Variants in SNX29 observed in about 807,000 individuals in gnomAD.
SNX29 encodes the protein sorting nexin-29.
A neutral mutation model predicts 102.1 loss-of-function variants in SNX29; 78 were observed. The ratio of observed to expected loss-of-function variants is 0.76; its 90% confidence interval spans 0.64 to 0.92. SNX29 has a LOEUF of 0.92. Ranked by LOEUF, SNX29 falls within the 40% of genes least tolerant of loss-of-function variation. The pLI, the probability that SNX29 is intolerant of heterozygous loss-of-function variation, is 0.00. For missense variants in SNX29, 1,280 were observed against 1,061.7 expected, an observed-to-expected ratio of 1.21 and a Z score of -2.86; for synonymous variants, 580 against 414.5, an observed-to-expected ratio of 1.40 and a Z score of -4.85.
At chr16:12,171,526 G>C (rs966392026) in intron 13 of SNX29, among the ~76,000 whole-genome samples, 1 of 152,226 alleles carries the variant, frequency 6.6e-6, no homozygotes, top group Non-Finnish European at 1.5e-5. Flanking sequence ...CCCAGCTCTG[G>C]CTGTAGCTGT....
chr16:12,170,782 T>TGA (rs756107288), intron 13 of SNX29, among the ~76,000 whole-genome samples: 1 of 149,382 alleles, frequency 6.7e-6, no homozygotes, highest in Non-Finnish European at 1.5e-5. Flanking sequence ...AGTGTGTGTG[T>TGA]GAGAGTGAGA....
At chr16:12,500,797 CAAGTTTGAG>C (rs1248073252) in intron 19 of SNX29, among the ~76,000 whole-genome samples, 1 of 152,214 alleles carries the variant, frequency 6.6e-6, no homozygotes. Flanking sequence ...CATACACAAG[CAAGTTTGAG>C]AAGCACTGTT....
chr16:12,485,601 C>T (rs531515969), intron 19 of SNX29, among the ~76,000 whole-genome samples: 2 of 152,130 alleles, frequency 1.3e-5, no homozygotes, highest in Non-Finnish European at 2.9e-5. Flanking sequence ...GCCCTCGAGA[C>T]GGCAGGGTCA....
chr16:12,567,926 T>G (rs1355820029), intron 20 of SNX29, among the ~76,000 whole-genome samples: 1 of 152,192 alleles, frequency 6.6e-6, no homozygotes, highest in African/African-American at 2.4e-5. Context: ...ACACGCTGTG[T>G]GTTCGCGTTG....
At chr16:12,530,926 C>A (rs767900317) in intron 20 of SNX29, among the ~76,000 whole-genome samples, 3 of 152,182 alleles carry the variant, frequency 2.0e-5, no homozygotes, top group Non-Finnish European at 4.4e-5. Context: ...ATGGCTGTTT[C>A]ATAATTTATT....
At chr16:12,561,569 G>C (rs1009152371) in intron 20 of SNX29, among the ~76,000 whole-genome samples, 4 of 152,178 alleles carry the variant, frequency 2.6e-5, no homozygotes, top group South Asian at 4.2e-4. Flanking sequence ...AGTTGAGGCT[G>C]TCCGATTAAT....
intron 20 of SNX29, among the ~76,000 whole-genome samples, chr16:12,560,590 C>G (rs1007908570): frequency 1.3e-5 from 2 of 152,142 alleles, no homozygotes; most frequent in African/African-American, 2.4e-5. Context: ...CCATCTGTAC[C>G]TCTCATAAAG....
intron 18 of SNX29, among the ~76,000 whole-genome samples, chr16:12,449,714 A>G (rs1005025330): frequency 6.6e-6 from 1 of 152,168 alleles, no homozygotes; most frequent in Non-Finnish European, 1.5e-5. Flanking sequence ...GGCCTGTCTC[A>G]CTTCAGAGCC....
intron 13 of SNX29, among the ~76,000 whole-genome samples, chr16:12,180,892 G>A (rs1239752335): frequency 6.6e-6 from 1 of 152,198 alleles, no homozygotes; most frequent in Non-Finnish European, 1.5e-5. Context: ...TAGGCATACT[G>A]CAGCTTGTTT....
chr16:12,523,976 T>TC lies in SNX29; in HGVS notation c.2179-723dup, dbSNP rs2090199305. On this transcript the variant is annotated intron_variant, in intron 19 of 20. Transcript: ENST00000566228. Reference sequence around the variant, plus strand: ...ATCTTGGCTCACCACAGCCTCTGCCTCCCGGGTTCAAGTGATTGTCCTGCC... The same window carrying TC: ...ATCTTGGCTCACCACAGCCTCTGCCTCCCCGGGTTCAAGTGATTGTCCTGCC... Among the ~76,000 whole-genome samples the TC allele has an allele frequency of 3.9e-5, 6 of 152,128 alleles. No homozygotes were observed. In the South Asian group the frequency reaches 1.2e-3, roughly 31 times the overall value.
chr16:12,563,365 C>T (rs141213055), intron 20 of SNX29, among the ~76,000 whole-genome samples: 63 of 152,318 alleles, frequency 4.1e-4, no homozygotes, highest in Admixed American at 2.2e-3. Flanking sequence ...TGTCTTTTAT[C>T]GCCACGTTGA....
rs1339335641 is a variant in SNX29 at position 12,572,607 on chromosome 16, C to G, written c.*3978C>G. 7 of 1,063,938 alleles carry G rather than the reference C, an allele frequency of 6.6e-6. No individual in the cohort carries two copies. The highest frequency in any genetic ancestry group is 3.3e-5 in the African/African-American group (2 of 60,972). The allele number at this position is 1,063,938 out of a possible 1,614,324, so 65.9% of individuals were successfully genotyped here. On this transcript the variant is annotated 3_prime_UTR_variant, in exon 21 of 21. Transcript: ENST00000566228. ...CTGGGCTCCCAGTGAGCCCCCTCCC[C>G]TCCGGCTACCCCCAGAATCCATCCT... is the stretch of plus-strand genomic sequence containing the variant.
At chr16:12,196,253 C>T (rs997761108) in intron 13 of SNX29, among the ~76,000 whole-genome samples, 26 of 152,204 alleles carry the variant, frequency 1.7e-4, no homozygotes, top group East Asian at 5.8e-4. Context: ...TGAGCCACCA[C>T]GCCTGGTCTT....
intron 14 of SNX29, 109 bp from the exon 15 acceptor site, chr16:12,277,824 C>CT: frequency 1.2e-6 from 1 of 860,684 alleles, no homozygotes; most frequent in Non-Finnish European, 1.8e-6. Context: ...TTCTTGAGAG[C>CT]TTTTTCAGTC....
intron 19 of SNX29, among the ~76,000 whole-genome samples, chr16:12,515,150 C>G (rs1294632616): frequency 2.6e-5 from 4 of 152,246 alleles, no homozygotes; most frequent in Non-Finnish European, 4.4e-5. Flanking sequence ...AACCCCCATT[C>G]AGATCAGGCA....
At chr16:12,536,788 C>T (rs965233191) in intron 20 of SNX29, among the ~76,000 whole-genome samples, 2 of 152,104 alleles carry the variant, frequency 1.3e-5, no homozygotes, top group Admixed American at 6.5e-5. Flanking sequence ...CCAGCCTGGC[C>T]AACATGGTAA....
intron 10 of SNX29, among the ~76,000 whole-genome samples, chr16:12,071,635 G>A (rs1400844499): frequency 6.6e-6 from 1 of 152,150 alleles, no homozygotes. Flanking sequence ...TTTGGCTTAG[G>A]ATTGACTTGG....
chr16:12,073,397 A>C (rs914586390), intron 10 of SNX29, among the ~76,000 whole-genome samples: 1 of 152,130 alleles, frequency 6.6e-6, no homozygotes, highest in African/African-American at 2.4e-5. Context: ...GTTTCAAAGA[A>C]CATCTTTATT....
At chr16:12,533,923 C>G (rs961640783) in intron 20 of SNX29, among the ~76,000 whole-genome samples, 10 of 152,250 alleles carry the variant, frequency 6.6e-5, no homozygotes, top group African/African-American at 1.2e-4. Context: ...CATATAAAAT[C>G]TGATGTTTAA....
Sources: allele counts gnomAD v4.1 joint callset (sites outside exome capture counted in the v4.1 genomes callset), GRCh38; gene constraint gnomAD v4.1.1; transcripts MANE v1.5; gene names NCBI Gene and HGNC (gene_info 2026-07-23, HGNC 2026-07-21).